Variants in SMYD3 observed in about 807,000 individuals in gnomAD.
SMYD3 encodes histone-lysine N-methyltransferase SMYD3.
SMYD3 carries 36 observed loss-of-function variants against 57.7 expected under a neutral mutation model. That is an observed-to-expected ratio of 0.62 (90% CI 0.48 to 0.82). The LOEUF is 0.82. SMYD3 is among the 40% of genes least tolerant of loss of function. SMYD3 has a pLI of 0.00. For missense variants in SMYD3, 515 were observed against 538.8 expected, an observed-to-expected ratio of 0.96 and a Z score of 0.44; for synonymous variants, 211 against 195.0, an observed-to-expected ratio of 1.08 and a Z score of -0.68.
At chr1:246,398,687 G>A (rs2066715854) in intron 1 of SMYD3, among the ~76,000 whole-genome samples, 1 of 152,172 alleles carries the variant, frequency 6.6e-6, no homozygotes, top group African/African-American at 2.4e-5. Context: ...GGGAGACACT[G>A]GGGCTCAGGT....
intron 10 of SMYD3, among the ~76,000 whole-genome samples, chr1:245,797,581 A>G (rs199904275): frequency 7.3e-4 from 110 of 151,544 alleles, no homozygotes; most frequent in East Asian, 1.7e-3. Flanking sequence ...TGTAAATGAC[A>G]AGTTAATGGG....
chr1:245,772,880 CTGAAGACA>C (rs1227061370), intron 10 of SMYD3, among the ~76,000 whole-genome samples: 2 of 151,998 alleles, frequency 1.3e-5, no homozygotes, highest in Non-Finnish European at 2.9e-5. Flanking sequence ...AAGATTTGGG[CTGAAGACA>C]TGGCTCTTCC....
rs116838782 is a variant in SMYD3, at chr1:246,380,736, G to C, written c.165-25642C>G. 1.4e-4 allele frequency among the ~76,000 whole-genome samples: 22 copies of C among 152,344 alleles called. 1 individual carries two copies. The highest frequency in any genetic ancestry group is 2.8e-4 in the Non-Finnish European group (19 of 68,038). The stretch of plus-strand genomic sequence containing the variant: ...AATGCTCACCAAGCGCCTATTATGT[G>C]ATGTCAGGTTCTGTGCTAGATACCT... On this transcript the variant is annotated intron_variant, in intron 1 of 11. Transcript: ENST00000490107.
At chr1:246,403,344 T>A (rs875299) in intron 1 of SMYD3, among the ~76,000 whole-genome samples, 17,424 of 151,634 alleles carry the variant, frequency 0.11, 1,993 homozygotes, top group East Asian at 0.32. Flanking sequence ...AAAAAAAAAA[T>A]TTAATTAGCC....
Position 245,764,135 on chromosome 1 carries a change from C to A in SMYD3, c.1091G>T (p.Gly364Val). ...TTGAACCCCTCTGACGGGATGGCTTCCTGGGAAAAAAATCCTGGAAGAAAC... is the reference window on the plus strand; with the variant it reads ...TTGAACCCCTCTGACGGGATGGCTTACTGGGAAAAAAATCCTGGAAGAAAC... ...TMEPYRIFFP[G>V]SHPVRGVQVM... The change falls in exon 11 of 12, where the codon GGA becomes GTA. Residue 364 changes from glycine to valine, a missense_variant. Physicochemically the swap from Gly to Val is moderately radical, Grantham distance 109. Coordinates refer to ENST00000490107, the MANE Select transcript of SMYD3 (RefSeq NM_001167740.2). 1 of 1,613,634 alleles carries A rather than the reference C, an allele frequency of 6.2e-7. No homozygotes were observed. The highest frequency in any genetic ancestry group is 8.5e-7 in the Non-Finnish European group (1 of 1,179,798).
At position 246,250,124 on chromosome 1, in the gene SMYD3, A is replaced by G. The variant is rs116788650; in HGVS notation, c.531+77077T>C. Among the ~76,000 whole-genome samples, 379 of 152,352 alleles carry G rather than the reference A, an allele frequency of 2.5e-3. 2 individuals are homozygous for G. The highest frequency in any genetic ancestry group is 8.7e-3 in the African/African-American group (361 of 41,580). On this transcript the variant is annotated intron_variant, in intron 5 of 11. Transcript: ENST00000490107. ...CTAAAACTCAAAAATGGTCTTCTCT[A>G]TATTCCTGTGTTCCTCCTTACTGAT...
intron 1 of SMYD3, among the ~76,000 whole-genome samples, chr1:246,442,934 C>G (rs2067492168): frequency 6.6e-6 from 1 of 152,164 alleles, no homozygotes; most frequent in Non-Finnish European, 1.5e-5. Flanking sequence ...TATCTCCCTT[C>G]CAGAATTCTT....
intron 10 of SMYD3, among the ~76,000 whole-genome samples, chr1:245,804,971 C>T (rs1206795011): frequency 6.6e-6 from 1 of 152,148 alleles, no homozygotes; most frequent in Non-Finnish European, 1.5e-5. Context: ...TGGACCAACC[C>T]ATCTCAAAAT....
intron 5 of SMYD3, among the ~76,000 whole-genome samples, chr1:246,299,051 A>G (rs2064846907): frequency 6.6e-6 from 1 of 152,148 alleles, no homozygotes; most frequent in South Asian, 2.1e-4. Context: ...ACAACCTGGC[A>G]ACATATATAA....
At chr1:245,791,892 CA>C (rs937922447) in intron 10 of SMYD3, among the ~76,000 whole-genome samples, 2 of 151,984 alleles carry the variant, frequency 1.3e-5, no homozygotes, top group Non-Finnish European at 2.9e-5. Flanking sequence ...TGGTAGTTCT[CA>C]CTGTCATGCC....
intron 1 of SMYD3, among the ~76,000 whole-genome samples, chr1:246,424,360 A>AG (rs2067187217): frequency 1.3e-5 from 2 of 152,226 alleles, no homozygotes; most frequent in Admixed American, 6.5e-5. Context: ...ATAAAATGGA[A>AG]TATTAATAAA....
intron 5 of SMYD3, among the ~76,000 whole-genome samples, chr1:246,256,193 G>A (rs1456518312): frequency 1.3e-5 from 2 of 152,084 alleles, no homozygotes; most frequent in Non-Finnish European, 2.9e-5. Flanking sequence ...AGAAAGATGT[G>A]GGCTGGGAGG....
chr1:245,963,689 C>T (rs1446009128), intron 5 of SMYD3, among the ~76,000 whole-genome samples: 1 of 152,162 alleles, frequency 6.6e-6, no homozygotes, highest in Non-Finnish European at 1.5e-5. Flanking sequence ...GAAAAAAACA[C>T]CAGAGAATTA....
At chr1:245,816,528 A>AAC (rs2048811354) in intron 10 of SMYD3, among the ~76,000 whole-genome samples, 1 of 150,684 alleles carries the variant, frequency 6.6e-6, no homozygotes, top group African/African-American at 2.4e-5. Flanking sequence ...AAAAAAAAAA[A>AAC]AAAAAAAAAA....
intron 1 of SMYD3, among the ~76,000 whole-genome samples, chr1:246,366,174 A>G (rs1172979395): frequency 1.3e-5 from 2 of 152,260 alleles, no homozygotes; most frequent in Non-Finnish European, 2.9e-5. Context: ...AAAACGCTAT[A>G]ATAAATGTTG....
At chr1:245,811,023 C>G (rs1277123057) in intron 10 of SMYD3, among the ~76,000 whole-genome samples, 1 of 152,222 alleles carries the variant, frequency 6.6e-6, no homozygotes, top group Non-Finnish European at 1.5e-5. Flanking sequence ...CTCACTGATG[C>G]ATCTTCCAAT....
At chr1:246,151,294 C>G (rs1388814403) in intron 5 of SMYD3, among the ~76,000 whole-genome samples, 1 of 151,646 alleles carries the variant, frequency 6.6e-6, no homozygotes, top group East Asian at 1.9e-4. Context: ...CCCCACAGCC[C>G]CCTACTTTCA....
Position 246,140,247 on chromosome 1 carries a change from T to G in SMYD3, c.531+186954A>C, listed in dbSNP as rs528706086. ...GGGGATCAGGACCTTTCGCTTCAAA[T>G]TCCAGCTCCACCGCTTTGGATGTGC... On this transcript the variant is annotated intron_variant, in intron 5 of 11. Transcript: ENST00000490107. 1.2e-4 allele frequency among the ~76,000 whole-genome samples: 19 copies of G among 152,302 alleles called. No individual in the cohort carries two copies. In the South Asian group the frequency reaches 2.5e-3, roughly 20 times the overall value.
intron 5 of SMYD3, among the ~76,000 whole-genome samples, chr1:246,055,822 A>G (rs568250200): frequency 6.6e-6 from 1 of 152,326 alleles, no homozygotes; most frequent in East Asian, 1.9e-4. Flanking sequence ...AGAGACAGGA[A>G]GTAGAATGGT....
Sources: gnomAD v4.1 joint callset for allele counts (sites outside exome capture counted in the v4.1 genomes callset) on GRCh38, gnomAD v4.1.1 for gene constraint, MANE v1.5 for transcripts, NCBI Gene and HGNC (gene_info 2026-07-23, HGNC 2026-07-21) for gene names.